The following AUTS2 variants were observed in gnomAD, a reference collection of about 807,000 sequenced individuals.
AUTS2 encodes activator of transcription and developmental regulator AUTS2.
AUTS2 carries 17 observed loss-of-function variants against 112.4 expected under a neutral mutation model. The ratio of observed to expected loss-of-function variants is 0.15; its 90% CI spans 0.10 to 0.23. The LOEUF is 0.23. Ranked by LOEUF, AUTS2 falls within the 10% of genes least tolerant of loss-of-function variation. AUTS2 has a pLI of 1.00. For missense variants in AUTS2, 1,510 were observed against 1,701.6 expected (o/e 0.89, Z 1.98); for synonymous variants, 751 against 702.7 (o/e 1.07, Z -1.09).
chr7:70,714,940 T>C (rs1382270299), intron 6 of AUTS2, among the ~76,000 whole-genome samples: 1 of 152,224 alleles, frequency 6.6e-6, no homozygotes, highest in African/African-American at 2.4e-5. Flanking sequence ...TGCATTGGCA[T>C]GTTCCCCGTC....
intron 5 of AUTS2, among the ~76,000 whole-genome samples, chr7:70,454,562 A>G (rs1398413877): frequency 1.3e-5 from 2 of 152,022 alleles, no homozygotes; most frequent in African/African-American, 4.8e-5. Flanking sequence ...AAAAATAAAA[A>G]TTTATATATA....
intron 4 of AUTS2, among the ~76,000 whole-genome samples, chr7:70,300,420 A>T (rs1330003724): frequency 2.0e-5 from 3 of 152,034 alleles, no homozygotes; most frequent in African/African-American, 7.3e-5. Flanking sequence ...ATTGCAGCCA[A>T]CTCCCATCCA....
chr7:70,038,276 T>C (rs967665870), intron 2 of AUTS2, among the ~76,000 whole-genome samples: 3 of 152,152 alleles, frequency 2.0e-5, no homozygotes, highest in African/African-American at 7.2e-5. Context: ...AGCATTTACA[T>C]TGTTTACAAA....
intron 2 of AUTS2, among the ~76,000 whole-genome samples, chr7:70,018,338 A>G (rs1800124181): frequency 6.6e-6 from 1 of 152,134 alleles, no homozygotes; most frequent in African/African-American, 2.4e-5. Context: ...TGGATCAATC[A>G]TTTAAAAAAA....
At chr7:69,917,734 C>T (rs1795640716) in intron 2 of AUTS2, among the ~76,000 whole-genome samples, 2 of 152,150 alleles carry the variant, frequency 1.3e-5, no homozygotes, top group South Asian at 4.1e-4. Flanking sequence ...TAGCTTAGCT[C>T]CCACTTATAA....
chr7:69,780,773 G>A (rs1314792638), intron 1 of AUTS2, among the ~76,000 whole-genome samples: 1 of 152,214 alleles, frequency 6.6e-6, no homozygotes, highest in African/African-American at 2.4e-5. Flanking sequence ...AGACTCATTA[G>A]TGGCTGTTAT....
chr7:70,217,212 C>T (rs1811215454), intron 4 of AUTS2, among the ~76,000 whole-genome samples: 1 of 152,192 alleles, frequency 6.6e-6, no homozygotes, highest in Non-Finnish European at 1.5e-5. Flanking sequence ...AGTCTTCTGT[C>T]TGTGTTTCTG....
intron 2 of AUTS2, among the ~76,000 whole-genome samples, chr7:69,922,045 C>A (rs1300125027): frequency 6.6e-6 from 1 of 151,836 alleles, no homozygotes; most frequent in Non-Finnish European, 1.5e-5. Flanking sequence ...GCCTGGGCAA[C>A]AAGAGTGAAA....
chr7:69,729,990 TTTAA>T (rs1293633484), intron 1 of AUTS2, among the ~76,000 whole-genome samples: 1 of 139,202 alleles, frequency 7.2e-6, no homozygotes, highest in Non-Finnish European at 1.5e-5. Flanking sequence ...TTGTTGTTGT[TTTAA>T]TTTTTTTTTT....
At chr7:70,473,712 CTTTT>C (rs112680628) in intron 5 of AUTS2, among the ~76,000 whole-genome samples, 2 of 130,582 alleles carry the variant, frequency 1.5e-5, no homozygotes, top group Non-Finnish European at 1.7e-5. Flanking sequence ...TTTGGTGGGG[CTTTT>C]TTTTTTTTTT....
chr7:69,815,573 G>A (rs1337733554), intron 1 of AUTS2, among the ~76,000 whole-genome samples: 10 of 152,008 alleles, frequency 6.6e-5, no homozygotes, highest in Admixed American at 6.5e-4. Flanking sequence ...GGAGTGCAGT[G>A]GCATGATCTC....
intron 5 of AUTS2, among the ~76,000 whole-genome samples, chr7:70,539,920 A>G (rs944798963): frequency 6.6e-6 from 1 of 152,114 alleles, no homozygotes; most frequent in Non-Finnish European, 1.5e-5. Flanking sequence ...CTGCAAACCT[A>G]TGTAGGGCAT....
At chr7:69,988,853 G>C (rs1479190025) in intron 2 of AUTS2, among the ~76,000 whole-genome samples, 2 of 152,138 alleles carry the variant, frequency 1.3e-5, no homozygotes, top group African/African-American at 4.8e-5. Context: ...TCAGTGATTT[G>C]ACAACTTAGA....
rs183621575 is a variant in AUTS2, at chr7:69,750,655, T to A, written c.310-148631T>A. 7.2e-4 allele frequency among the ~76,000 whole-genome samples: 110 copies of A among 151,938 alleles called. 1 individual carries two copies. The highest frequency in any genetic ancestry group is 2.5e-3 in the African/African-American group (103 of 41,438). On this transcript the variant is annotated intron_variant, in intron 1 of 18. Coordinates refer to ENST00000342771, the MANE Select transcript of AUTS2 (RefSeq NM_015570.4). Reference sequence around the variant, plus strand: ...GACCCACAGGCATGAGCCACCATACTCAGCTAATTTTTAGATTTTTTGTAA... The same window carrying A: ...GACCCACAGGCATGAGCCACCATACACAGCTAATTTTTAGATTTTTTGTAA...
intron 1 of AUTS2, among the ~76,000 whole-genome samples, chr7:69,674,716 A>G (rs748719627): frequency 6.6e-6 from 1 of 152,152 alleles, no homozygotes; most frequent in Non-Finnish European, 1.5e-5. Context: ...GGCAGGCATA[A>G]TGAAATTGAG....
intron 4 of AUTS2, among the ~76,000 whole-genome samples, chr7:70,144,354 A>C (rs993923068): frequency 2.6e-5 from 4 of 152,106 alleles, no homozygotes; most frequent in Non-Finnish European, 5.9e-5. Context: ...ATAACTTTGC[A>C]ATAGAACTAG....
chr7:70,720,484 T>G (rs1246861508), intron 6 of AUTS2, among the ~76,000 whole-genome samples: 1 of 152,176 alleles, frequency 6.6e-6, no homozygotes, highest in African/African-American at 2.4e-5. Flanking sequence ...GCACAGAGCA[T>G]CTTCTCTTCA....
intron 5 of AUTS2, among the ~76,000 whole-genome samples, chr7:70,484,525 G>A (rs1297889769): frequency 6.6e-6 from 1 of 152,180 alleles, no homozygotes; most frequent in African/African-American, 2.4e-5. Flanking sequence ...CTCATTCTTA[G>A]ACAAGCTAGT....
chr7:70,283,554 A>G (rs1451105997), intron 4 of AUTS2, among the ~76,000 whole-genome samples: 2 of 152,202 alleles, frequency 1.3e-5, no homozygotes, highest in African/African-American at 4.8e-5. Flanking sequence ...GTATGTGTAT[A>G]TATGTATGTA....
Sources: allele counts gnomAD v4.1 joint callset (sites outside exome capture counted in the v4.1 genomes callset), GRCh38; gene constraint gnomAD v4.1.1; transcripts MANE v1.5; gene names NCBI Gene and HGNC (gene_info 2026-07-23, HGNC 2026-07-21).